The following SRGN variants were observed in gnomAD, a reference collection of about 807,000 sequenced individuals.
SRGN encodes the protein hematopoetic proteoglycan core peptide.
Under a neutral mutation model 9.5 loss-of-function variants are expected in SRGN, and 2 were observed. The observed-to-expected ratio is 0.21, with a 90% CI of 0.09 to 0.66. The LOEUF is 0.66. Among genes scored for constraint, SRGN ranks in the 30% least tolerant of loss-of-function variants. The pLI, the probability that SRGN is intolerant of heterozygous loss-of-function variation, is 0.83. For missense variants in SRGN, 170 were observed against 192.4 expected (o/e 0.88, Z 0.69); for synonymous variants, 59 against 72.3 (o/e 0.82, Z 0.93).
At chr10:69,090,292 T>C (rs11817109) in intron 1 of SRGN, among the ~76,000 whole-genome samples, 28,698 of 152,238 alleles carry the variant, frequency 0.19, 3,336 homozygotes, top group Non-Finnish European at 0.25. Flanking sequence ...TCTAGCCCGT[T>C]GGTTTGGCAG....
chr10:69,093,894 A>T (rs1480755935), intron 1 of SRGN, among the ~76,000 whole-genome samples: 1 of 152,130 alleles, frequency 6.6e-6, no homozygotes, highest in Non-Finnish European at 1.5e-5. Flanking sequence ...AAAGAAAAGA[A>T]AGAAAGTCCA....
At chr10:69,096,151 A>T (rs1211204427) in intron 1 of SRGN, among the ~76,000 whole-genome samples, 1 of 152,082 alleles carries the variant, frequency 6.6e-6, no homozygotes, top group Non-Finnish European at 1.5e-5. Context: ...AAACACAAGA[A>T]CTAGAATTCT....
chr10:69,096,171 C>T (rs901101128), intron 1 of SRGN, among the ~76,000 whole-genome samples: 2 of 152,116 alleles, frequency 1.3e-5, no homozygotes, highest in African/African-American at 2.4e-5. Flanking sequence ...TGTGATACCA[C>T]GGGTACTCCA....
chr10:69,103,977 T>A lies in SRGN; in HGVS notation c.334T>A (p.Phe112Ile), dbSNP rs377076217. ...SGSGSGSGSG[F>I]LTEMEQDYQL... ...CTCTGGATCAGGATCTGGGAGTGGC[T>A]TCCTAACGGAAATGGAACAGGATTA... Residue 112 changes from phenylalanine (F) to isoleucine (I), a missense_variant, in exon 3 of 3, where the codon TTC (phenylalanine) becomes ATC (isoleucine). Phe to Ile is a conservative substitution (Grantham distance 21). Transcript: ENST00000242465. The A allele has an allele frequency of 6.2e-7, 1 of 1,614,072 alleles. No individual in the cohort carries two copies. Among genetic ancestry groups the A allele is most frequent in the African/African-American group, 1.3e-5 (1 of 74,922 alleles).
intron 1 of SRGN, 72 bp downstream of exon 1, chr10:69,088,308 C>A: frequency 8.0e-7 from 1 of 1,252,586 alleles, no homozygotes; most frequent in Non-Finnish European, 1.2e-6. Flanking sequence ...TCATTATATT[C>A]ATTTTAAGGC....
At chr10:69,101,107 A>G (rs1229705008) in intron 2 of SRGN, among the ~76,000 whole-genome samples, 1 of 149,910 alleles carries the variant, frequency 6.7e-6, no homozygotes, top group Non-Finnish European at 1.5e-5. Flanking sequence ...CTCAGCCTCC[A>G]GGGTGTGCCA....
At chr10:69,090,779 T>C (rs1003901561) in intron 1 of SRGN, among the ~76,000 whole-genome samples, 3 of 152,196 alleles carry the variant, frequency 2.0e-5, no homozygotes, top group Non-Finnish European at 4.4e-5. Context: ...TAAGATTGTG[T>C]TTACCAAGCA....
chr10:69,088,268 C>A lies in SRGN; in HGVS notation c.79+32C>A, dbSNP rs1299144302. 6 of 1,566,438 alleles carry A rather than the reference C, an allele frequency of 3.8e-6. No homozygotes were observed. The Admixed American group carries it at 8.3e-5, about 22-fold the overall frequency. ...CTCAGGAGTCTTGTTCCCCAGCCAT[C>A]TTCTCTGTAAGCCCTGTGGTCCATG... On this transcript the variant is annotated intron_variant, in intron 1 of 2. Coordinates refer to ENST00000242465, the MANE Select transcript of SRGN (RefSeq NM_002727.4).
At chr10:69,098,785 C>T (rs954616440) in intron 2 of SRGN, 3 of 152,064 alleles carry the variant, frequency 2.0e-5, no homozygotes, top group Non-Finnish European at 4.4e-5. Context: ...TACAGCAAGA[C>T]CCTGTCTCTA....
chr10:69,104,257 CT>C lies in SRGN; in HGVS notation c.*145del, dbSNP rs1211354837. 5.6e-5 allele frequency: 66 copies of C among 1,176,172 alleles called. No individual in the cohort carries two copies. The highest frequency in any genetic ancestry group is 1.2e-4 in the South Asian group (7 of 59,414). The allele number at this position is 1,176,172 out of a possible 1,614,324, so 72.9% of individuals were successfully genotyped here. A position where few individuals can be genotyped will look rare whatever the true frequency, so the allele number is the denominator to read the frequency against. On this transcript the variant is annotated 3_prime_UTR_variant, in exon 3 of 3. Coordinates refer to ENST00000242465, the MANE Select transcript of SRGN (RefSeq NM_002727.4). ...AAAAAGAAGCTTAAGTTTTATCATC[CT>C]TTTTTTTCTCATGAATTCTTAAAGG...
At chr10:69,102,507 G>C (rs1248526887) in intron 2 of SRGN, among the ~76,000 whole-genome samples, 1 of 152,208 alleles carries the variant, frequency 6.6e-6, no homozygotes, top group Non-Finnish European at 1.5e-5. Context: ...TTTATTGAAT[G>C]CGTACATGAA....
chr10:69,102,406 C>G lies in SRGN; in HGVS notation c.228-1465C>G, dbSNP rs149868306. The stretch of plus-strand genomic sequence containing the variant: ...CACTTTTCATTGTCTGTCTTCCCCA[C>G]TAAAATAAAAACTTCTTGAGAAGGG... On this transcript the variant is annotated intron_variant, in intron 2 of 2. Transcript: ENST00000242465. Among the ~76,000 whole-genome samples the G allele has an allele frequency of 2.6e-5, 4 of 152,326 alleles. No individual in the cohort carries two copies. The East Asian group carries it at 7.7e-4, about 29-fold the overall frequency.
At chr10:69,093,667 G>C (rs1840112702) in intron 1 of SRGN, among the ~76,000 whole-genome samples, 1 of 152,118 alleles carries the variant, frequency 6.6e-6, no homozygotes, top group Admixed American at 6.6e-5. Context: ...CACGAGGTCA[G>C]GAGATCGAGA....
At chr10:69,100,991 T>TCTTTCTTTCTTTCTTTCTTTCTTTC (rs1564662569) in intron 2 of SRGN, among the ~76,000 whole-genome samples, 1 of 150,434 alleles carries the variant, frequency 6.6e-6, no homozygotes, top group African/African-American at 2.4e-5. Flanking sequence ...CTTTCTTTTT[T>TCTTTCTTTCTTTCTTTCTTTCTTTC]TTTTTTTTTT....
chr10:69,089,607 T>C (rs1047672503), intron 1 of SRGN, among the ~76,000 whole-genome samples: 1 of 152,148 alleles, frequency 6.6e-6, no homozygotes, highest in African/African-American at 2.4e-5. Context: ...TAGAAAGAAA[T>C]GAAGAAGGCC....
At chr10:69,097,642 T>C (rs1284342741) in intron 2 of SRGN, among the ~76,000 whole-genome samples, 1 of 152,106 alleles carries the variant, frequency 6.6e-6, no homozygotes, top group East Asian at 1.9e-4. Context: ...TTAGCCAGGA[T>C]GGTCTCGATC....
At chr10:69,096,524 A>C (rs1243905371) in intron 1 of SRGN, among the ~76,000 whole-genome samples, 4 of 152,224 alleles carry the variant, frequency 2.6e-5, no homozygotes, top group African/African-American at 9.6e-5. Context: ...CTGATTCCAA[A>C]GCCTATTCTA....
At chr10:69,096,692 C>T (rs929318071) in intron 1 of SRGN, among the ~76,000 whole-genome samples, 5 of 152,096 alleles carry the variant, frequency 3.3e-5, no homozygotes, top group African/African-American at 7.2e-5. Flanking sequence ...CTTCTTAGGG[C>T]GGGTGGGGTG....
upstream of SRGN, among the ~76,000 whole-genome samples, chr10:69,087,812 G>A (rs1260174564): frequency 6.6e-6 from 1 of 151,736 alleles, no homozygotes; most frequent in African/African-American, 2.4e-5. Flanking sequence ...GTTACCTGAA[G>A]AAAGGAAAAA....
Sources: allele counts gnomAD v4.1 joint callset (sites outside exome capture counted in the v4.1 genomes callset), GRCh38; gene constraint gnomAD v4.1.1; transcripts MANE v1.5; gene names NCBI Gene and HGNC (gene_info 2026-07-23, HGNC 2026-07-21).